The following VPS35L variants were observed in gnomAD, a reference collection of about 807,000 sequenced individuals.
VPS35L encodes the protein VPS35 endosomal protein sorting factor like.
VPS35L carries 83 observed loss-of-function variants against 133.0 expected under a neutral mutation model. That is an observed-to-expected ratio of 0.62 (90% CI 0.52 to 0.75). The LOEUF is 0.75. Ranked by LOEUF, VPS35L falls within the 30% of genes least tolerant of loss-of-function variation. The probability of loss-of-function intolerance (pLI) is 0.00; values close to 1 mark genes in which losing one functional copy is unlikely to be tolerated. For synonymous variants in VPS35L, 423 were observed against 449.9 expected, an observed-to-expected ratio of 0.94 and a Z score of 0.76; for missense variants, 1,083 against 1,206.8, an observed-to-expected ratio of 0.90 and a Z score of 1.52.
At chr16:19,605,563 T>C (rs150263523) in intron 9 of VPS35L, among the ~76,000 whole-genome samples, 124 of 152,326 alleles carry the variant, frequency 8.1e-4, no homozygotes, top group African/African-American at 2.8e-3. Flanking sequence ...TCTTTGACCA[T>C]AGTGAGGTTA....
intron 28 of VPS35L, among the ~76,000 whole-genome samples, chr16:19,688,290 CTT>C (rs1318869650): frequency 6.6e-6 from 1 of 152,086 alleles, no homozygotes; most frequent in Non-Finnish European, 1.5e-5. Flanking sequence ...AATATTGTCT[CTT>C]TTGAATTGTG....
intron 25 of VPS35L, 122 bp from the exon 26 acceptor site, chr16:19,651,854 C>T (rs1461817367): frequency 2.7e-6 from 2 of 750,020 alleles, no homozygotes; most frequent in African/African-American, 1.7e-5. Context: ...GAAAATGGGG[C>T]TCAGAATGTG....
intron 14 of VPS35L, among the ~76,000 whole-genome samples, chr16:19,624,594 A>AC (rs1293780360): frequency 4.0e-5 from 6 of 151,634 alleles, no homozygotes; most frequent in African/African-American, 1.5e-4. Context: ...TCTGTCTCAA[A>AC]AAACAAACAA....
At position 19,688,661 on chromosome 16, in the gene VPS35L, G is replaced by A. The variant is rs35189080; in HGVS notation, c.2528-2692G>A. The stretch of plus-strand genomic sequence containing the variant: ...GGCTCCAGAGCTCTCCCTTTAGCCT[G>A]GGGGTTCAGATGCTGAACTGGGCTC... On this transcript the variant is annotated intron_variant, in intron 28 of 30. Transcript: ENST00000417362. Among the ~76,000 whole-genome samples, 6 of 152,252 alleles carry A rather than the reference G, an allele frequency of 3.9e-5. No individual in the cohort carries two copies. In the South Asian group the frequency reaches 8.3e-4, roughly 21 times the overall value.
intron 27 of VPS35L, among the ~76,000 whole-genome samples, chr16:19,675,858 G>C (rs749387569): frequency 6.6e-6 from 1 of 151,972 alleles, no homozygotes; most frequent in Non-Finnish European, 1.5e-5. Flanking sequence ...TCCCCATACT[G>C]TTTTTCATGG....
At chr16:19,595,745 G>A (rs4782261) in intron 8 of VPS35L, among the ~76,000 whole-genome samples, 6,999 of 152,292 alleles carry the variant, frequency 0.046, 551 homozygotes, top group East Asian at 0.3. Context: ...TGCAGATGCT[G>A]CTGTCCTTGT....
chr16:19,583,869 C>T (rs576593669), intron 7 of VPS35L, among the ~76,000 whole-genome samples: 1 of 152,282 alleles, frequency 6.6e-6, no homozygotes, highest in Admixed American at 6.5e-5. Context: ...TCTCCCCTTG[C>T]CCCTACCCTT....
At chr16:19,680,807 G>A (rs1975244635) in intron 27 of VPS35L, among the ~76,000 whole-genome samples, 1 of 152,110 alleles carries the variant, frequency 6.6e-6, no homozygotes, top group South Asian at 2.1e-4. Flanking sequence ...CACCTCAGGA[G>A]GCTGAGGTGG....
intron 8 of VPS35L, among the ~76,000 whole-genome samples, chr16:19,595,946 C>G (rs1972201446): frequency 6.6e-6 from 1 of 152,172 alleles, no homozygotes; most frequent in Admixed American, 6.5e-5. Flanking sequence ...GAGTTCAAGA[C>G]CAGCCTGGCC....
chr16:19,587,639 A>G (rs1469025495), intron 7 of VPS35L, among the ~76,000 whole-genome samples: 11 of 152,044 alleles, frequency 7.2e-5, no homozygotes, highest in Admixed American at 5.9e-4. Flanking sequence ...CGTCTCAAAA[A>G]AAAAAAAAAA....
chr16:19,682,993 C>T (rs528832224), intron 28 of VPS35L, among the ~76,000 whole-genome samples: 41 of 152,316 alleles, frequency 2.7e-4, no homozygotes, highest in Non-Finnish European at 5.1e-4. Context: ...GATGTGATCT[C>T]GGCCCACTGC....
intron 24 of VPS35L, among the ~76,000 whole-genome samples, chr16:19,648,729 G>A (rs1026474922): frequency 2.0e-5 from 3 of 151,874 alleles, no homozygotes; most frequent in African/African-American, 7.3e-5. Flanking sequence ...TTAGTCAGGC[G>A]GGGTGGCAGG....
chr16:19,673,293 C>G (rs949189123), intron 27 of VPS35L, among the ~76,000 whole-genome samples: 3 of 152,178 alleles, frequency 2.0e-5, no homozygotes, highest in Non-Finnish European at 4.4e-5. Flanking sequence ...ATTGGTAGAT[C>G]ACAGAAAATC....
At chr16:19,665,071 A>G (rs939146585) in intron 26 of VPS35L, among the ~76,000 whole-genome samples, 3 of 152,086 alleles carry the variant, frequency 2.0e-5, no homozygotes, top group Admixed American at 6.5e-5. Context: ...AAGTGTATAT[A>G]TTTACAAGGT....
intron 28 of VPS35L, 146 bp downstream of exon 28, chr16:19,682,536 A>C: frequency 1.1e-6 from 1 of 941,688 alleles, no homozygotes; most frequent in East Asian, 2.7e-5. Flanking sequence ...TATTTACCTG[A>C]TCTAAGATTT....
At chr16:19,679,537 G>A (rs973825786) in intron 27 of VPS35L, among the ~76,000 whole-genome samples, 12 of 146,670 alleles carry the variant, frequency 8.2e-5, no homozygotes, top group East Asian at 5.9e-4. Context: ...ACAGAGTCTC[G>A]CACTGTCACC....
intron 1 of VPS35L, among the ~76,000 whole-genome samples, chr16:19,558,408 T>A (rs1970926886): frequency 1.3e-5 from 2 of 152,246 alleles, no homozygotes; most frequent in South Asian, 4.1e-4. Context: ...GTAATCATCC[T>A]CATCAGCTGG....
chr16:19,676,854 G>T (rs1164100761), intron 27 of VPS35L, among the ~76,000 whole-genome samples: 1 of 152,018 alleles, frequency 6.6e-6, no homozygotes, highest in Non-Finnish European at 1.5e-5. Context: ...ATTGCACAAA[G>T]CGCCATAAAG....
At position 19,629,794 on chromosome 16, in the gene VPS35L, G is replaced by T. The variant is rs370497822; in HGVS notation, c.1528G>T (p.Val510Leu). 3.1e-6 allele frequency: 5 copies of T among 1,613,874 alleles called. No homozygotes were observed. Among genetic ancestry groups the T allele is most frequent in the Non-Finnish European group, 4.2e-6 (5 of 1,179,798 alleles). The change falls in exon 18 of 31, where the codon GTG becomes TTG. Residue 510 changes from valine (V) to leucine (L), a missense_variant. Coordinates refer to ENST00000417362, the MANE Select transcript of VPS35L (RefSeq NM_020314.7). ...CTACATTAATTGTGCCGAAGTGTGG[G>T]TGGAATACACCTGCAAGCATTTCAC... ...QDYINCAEVW[V>L]EYTCKHFTKR...
Sources: gnomAD v4.1 joint callset for allele counts (sites outside exome capture counted in the v4.1 genomes callset) on GRCh38, gnomAD v4.1.1 for gene constraint, MANE v1.5 for transcripts, NCBI Gene and HGNC (gene_info 2026-07-23, HGNC 2026-07-21) for gene names.